The following DPP6 variants were observed in gnomAD, a reference collection of about 807,000 sequenced individuals.
DPP6 encodes the protein dipeptidyl peptidase like 6.
DPP6 carries 69 observed loss-of-function variants against 122.6 expected under a neutral mutation model. That is an observed-to-expected ratio of 0.56 (90% CI 0.46 to 0.69). DPP6 has a LOEUF of 0.69. Ranked by LOEUF, DPP6 falls within the 30% of genes least tolerant of loss-of-function variation. The pLI is 0.00. For missense variants in DPP6, 928 were observed against 1,116.9 expected (o/e 0.83, Z 2.41); for synonymous variants, 418 against 433.1 (o/e 0.97, Z 0.43).
intron 8 of DPP6, among the ~76,000 whole-genome samples, chr7:154,748,574 C>T (rs566403461): frequency 6.6e-6 from 1 of 152,368 alleles, no homozygotes; most frequent in Admixed American, 6.5e-5. Context: ...CCCCTGCGAG[C>T]CCTGCGGGGC....
chr7:154,249,185 G>A (rs1214486818), intron 1 of DPP6, among the ~76,000 whole-genome samples: 2 of 152,164 alleles, frequency 1.3e-5, no homozygotes, highest in African/African-American at 4.8e-5. Flanking sequence ...GAAACTAATG[G>A]GAGTAAAGGG....
At position 154,391,175 on chromosome 7, in the gene DPP6, C is replaced by G. The variant is rs75218471; in HGVS notation, c.244-55039C>G. ...TGCCCTTGATTCATACACAGTGCCACGCGTGGGGGCGGTTCTCAGTCAGAA... is the reference window on the plus strand; with the variant it reads ...TGCCCTTGATTCATACACAGTGCCAGGCGTGGGGGCGGTTCTCAGTCAGAA... On this transcript the variant is annotated intron_variant, in intron 1 of 25. Coordinates refer to ENST00000377770, the MANE Select transcript of DPP6 (RefSeq NM_130797.4). Among the ~76,000 whole-genome samples, 1,351 of 152,298 alleles carry G rather than the reference C, an allele frequency of 8.9e-3. 15 individuals are homozygous for G. Among genetic ancestry groups the G allele is most frequent in the African/African-American group, 0.029 (1,222 of 41,564 alleles).
At chr7:153,886,861 T>G (rs998628322), upstream of DPP6, among the ~76,000 whole-genome samples, 2 of 152,042 alleles carry the variant, frequency 1.3e-5, no homozygotes, top group Non-Finnish European at 2.9e-5. Context: ...CTCCCTTCTC[T>G]CGCGGGCGCA....
chr7:154,510,578 A>G (rs1182839654), intron 3 of DPP6, among the ~76,000 whole-genome samples: 1 of 152,020 alleles, frequency 6.6e-6, no homozygotes, highest in East Asian at 1.9e-4. Context: ...AGGTGCCTGT[A>G]ATCCCAGCGA....
chr7:154,350,524 A>G (rs1253519140), intron 1 of DPP6, among the ~76,000 whole-genome samples: 1 of 152,156 alleles, frequency 6.6e-6, no homozygotes, highest in Non-Finnish European at 1.5e-5. Context: ...GACATTCATG[A>G]TGGGGGACTA....
Position 154,471,094 on chromosome 7 carries a change from T to C in DPP6, c.359-3845T>C, listed in dbSNP as rs989950926. 4.0e-5 allele frequency among the ~76,000 whole-genome samples: 6 copies of C among 151,720 alleles called. No homozygotes were observed. The East Asian group carries it at 7.8e-4, about 20-fold the overall frequency. On this transcript the variant is annotated intron_variant, in intron 2 of 25. Transcript: ENST00000377770. ...AGTGAAACCCTGTCTCTACTAGAAA[T>C]ACAAAAATTAGCCGGGCTCGGTGGC...
intron 1 of DPP6, among the ~76,000 whole-genome samples, chr7:154,406,656 C>T (rs919964361): frequency 2.0e-5 from 3 of 152,114 alleles, no homozygotes; most frequent in African/African-American, 7.2e-5. Flanking sequence ...GTCAATGGTT[C>T]TCAAAGTGCA....
the DPP6 span, among the ~76,000 whole-genome samples, chr7:153,753,036 G>C: frequency 6.6e-6 from 1 of 152,256 alleles, no homozygotes; most frequent in Middle Eastern, 3.4e-3. Flanking sequence ...ATAATTCTTT[G>C]TATTACTTAT....
chr7:153,859,324 C>G, the DPP6 span, among the ~76,000 whole-genome samples: 1 of 152,182 alleles, frequency 6.6e-6, no homozygotes, highest in Admixed American at 6.5e-5. Context: ...ACTCAAGACA[C>G]ACATTCTAAC....
chr7:154,555,477 A>G lies in DPP6; in HGVS notation c.553-11365A>G, dbSNP rs574558538. Among the ~76,000 whole-genome samples the G allele has an allele frequency of 5.4e-3, 822 of 151,612 alleles. 10 individuals carry two copies. The highest frequency in any genetic ancestry group is 0.017 in the Middle Eastern group (5 of 294). On this transcript the variant is annotated intron_variant, in intron 4 of 25. Transcript: ENST00000377770. ...ACCGGCGACTGTTGTGGGGTGGGGGAAGGGGGGACGGATAGCATTAGGAGA... is the reference window on the plus strand; with the variant it reads ...ACCGGCGACTGTTGTGGGGTGGGGGGAGGGGGGACGGATAGCATTAGGAGA...
At chr7:154,478,386 C>G (rs1484735896) in intron 3 of DPP6, among the ~76,000 whole-genome samples, 1 of 151,958 alleles carries the variant, frequency 6.6e-6, no homozygotes, top group Non-Finnish European at 1.5e-5. Flanking sequence ...GAATTATTAC[C>G]CACCACCACC....
At chr7:153,856,651 C>T in the DPP6 span, among the ~76,000 whole-genome samples, 1 of 152,166 alleles carries the variant, frequency 6.6e-6, no homozygotes, top group Admixed American at 6.5e-5. Flanking sequence ...GTTTACTTAC[C>T]TCTGAGCCTT....
intron 2 of DPP6, among the ~76,000 whole-genome samples, chr7:154,460,319 A>G (rs966676481): frequency 5.3e-5 from 8 of 152,142 alleles, no homozygotes; most frequent in South Asian, 2.1e-4. Flanking sequence ...TGATATGTCA[A>G]TGTCCACAGA....
intron 3 of DPP6, among the ~76,000 whole-genome samples, chr7:154,484,112 A>G (rs928333005): frequency 6.6e-6 from 1 of 152,138 alleles, no homozygotes; most frequent in African/African-American, 2.4e-5. Context: ...TTTTAACATC[A>G]CTAACCACAC....
intron 1 of DPP6, among the ~76,000 whole-genome samples, chr7:154,445,194 G>T (rs1326672264): frequency 1.3e-5 from 2 of 152,002 alleles, no homozygotes; most frequent in Admixed American, 6.6e-5. Context: ...CCTCATTTTG[G>T]CTTGGTTACT....
chr7:154,352,817 A>G (rs1224774979), intron 1 of DPP6, among the ~76,000 whole-genome samples: 2 of 152,230 alleles, frequency 1.3e-5, no homozygotes, highest in Non-Finnish European at 1.5e-5. Flanking sequence ...CGTTCTTCAC[A>G]TGGATCCCAG....
At chr7:154,823,243 CAATG>C (rs1799920084) in intron 16 of DPP6, among the ~76,000 whole-genome samples, 1 of 152,096 alleles carries the variant, frequency 6.6e-6, no homozygotes, top group East Asian at 1.9e-4. Context: ...ATGTTGTAAA[CAATG>C]AAAGAGAATC....
At chr7:153,831,322 C>CT in the DPP6 span, among the ~76,000 whole-genome samples, 1 of 152,066 alleles carries the variant, frequency 6.6e-6, no homozygotes, top group African/African-American at 2.4e-5. Context: ...TTTCTATGAC[C>CT]TATAAAGAAG....
intron 1 of DPP6, among the ~76,000 whole-genome samples, chr7:153,996,561 A>G (rs1383981453): frequency 6.6e-6 from 1 of 151,616 alleles, no homozygotes; most frequent in Non-Finnish European, 1.5e-5. Flanking sequence ...ATATTTTATA[A>G]CTATAGCCTA....
Sources: gnomAD v4.1 joint callset for allele counts (sites outside exome capture counted in the v4.1 genomes callset) on GRCh38, gnomAD v4.1.1 for gene constraint, MANE v1.5 for transcripts, NCBI Gene and HGNC (gene_info 2026-07-23, HGNC 2026-07-21) for gene names.